GPR84: variants seen among roughly 807,000 people sequenced by gnomAD.
The protein encoded by GPR84 is G protein-coupled receptor 84, also known as G-protein coupled receptor 84.
Under a neutral mutation model 14.9 loss-of-function variants are expected in GPR84, and 8 were observed. The observed-to-expected ratio is 0.54, with a 90% CI of 0.31 to 0.97. The LOEUF (loss-of-function observed/expected upper bound fraction) is 0.97. Among genes scored for constraint, GPR84 ranks in the 50% least tolerant of loss-of-function variants. The probability of loss-of-function intolerance (pLI) is 0.04; values close to 1 mark genes in which losing one functional copy is unlikely to be tolerated. For synonymous variants in GPR84, 164 were observed against 198.1 expected (o/e 0.83, Z 1.45); for missense variants, 424 against 498.7 (o/e 0.85, Z 1.43).
intron 1 of GPR84, chr12:54,364,093 C>A (rs1376626453): frequency 9.1e-6 from 4 of 440,560 alleles, no homozygotes; most frequent in Non-Finnish European, 1.6e-5. Flanking sequence ...ATCTAAATAT[C>A]TCTTGCCTAA....
chr12:54,359,975 C>T (rs922632334), downstream of GPR84, among the ~76,000 whole-genome samples: 1 of 151,430 alleles, frequency 6.6e-6, no homozygotes, highest in African/African-American at 2.4e-5. Flanking sequence ...GAAGTCCTTT[C>T]TGAGGTCTAA....
the GPR84 span, among the ~76,000 whole-genome samples, chr12:54,355,609 C>T: frequency 3.9e-5 from 6 of 152,164 alleles, no homozygotes; most frequent in South Asian, 2.1e-4. Context: ...ACTGCCCACC[C>T]CCCATGCCTG....
the GPR84 span, among the ~76,000 whole-genome samples, chr12:54,352,000 T>C: frequency 6.6e-6 from 1 of 152,042 alleles, no homozygotes; most frequent in African/African-American, 2.4e-5. Context: ...TACGGGGCTG[T>C]TTGCCTCCTT....
At chr12:54,357,484 C>T (rs928703037), downstream of GPR84, among the ~76,000 whole-genome samples, 2 of 152,214 alleles carry the variant, frequency 1.3e-5, no homozygotes, top group East Asian at 3.8e-4. Flanking sequence ...CTGAGGGCTG[C>T]AGAAGGTATG....
downstream of GPR84, among the ~76,000 whole-genome samples, chr12:54,359,403 C>T (rs1338182976): frequency 3.3e-5 from 3 of 92,030 alleles, no homozygotes; most frequent in Admixed American, 1.5e-4. Flanking sequence ...AAGAACAGCC[C>T]GGGCGGGCGA....
At chr12:54,350,790 T>A in the GPR84 span, 1 of 538,310 alleles carries the variant, frequency 1.9e-6, no homozygotes. Flanking sequence ...TAGACTGGAT[T>A]ATGCTCACAT....
At chr12:54,354,063 C>A in the GPR84 span, among the ~76,000 whole-genome samples, 2 of 152,050 alleles carry the variant, frequency 1.3e-5, no homozygotes, top group East Asian at 3.8e-4. Flanking sequence ...ACTTTAAGTC[C>A]GCACCCTTCT....
chr12:54,361,009 A>G (rs1199929954), downstream of GPR84, among the ~76,000 whole-genome samples: 1 of 152,180 alleles, frequency 6.6e-6, no homozygotes, highest in Non-Finnish European at 1.5e-5. This position sits in a 1 kb window ranked among gnomAD's most constrained non-coding sequence, Gnocchi z 4.3. Flanking sequence ...GAAGCCAGAA[A>G]GGAAACGCAG....
the GPR84 span, chr12:54,353,921 G>C: frequency 6.6e-6 from 1 of 152,210 alleles, no homozygotes; most frequent in Admixed American, 6.5e-5. Context: ...GTCCAGAATT[G>C]TGGATGCCTG....
chr12:54,355,079 A>G, the GPR84 span, among the ~76,000 whole-genome samples: 17 of 152,168 alleles, frequency 1.1e-4, no homozygotes, highest in Non-Finnish European at 1.5e-4. Context: ...GAGGGAGACA[A>G]GAAGATGGAA....
chr12:54,355,327 A>AGT, the GPR84 span, among the ~76,000 whole-genome samples: 63,217 of 146,784 alleles, frequency 0.43, 13,407 homozygotes, highest in South Asian at 0.61. Flanking sequence ...TGTGTGTGTG[A>AGT]GTGTGTGTGT....
At chr12:54,355,540 T>C in the GPR84 span, among the ~76,000 whole-genome samples, 1 of 152,178 alleles carries the variant, frequency 6.6e-6, no homozygotes, top group South Asian at 2.1e-4. Context: ...GCTTTCTCAC[T>C]TGGAATGCAG....
chr12:54,360,699 A>G (rs891999536), downstream of GPR84, among the ~76,000 whole-genome samples: 1 of 152,164 alleles, frequency 6.6e-6, no homozygotes, highest in Middle Eastern at 3.4e-3. Flanking sequence ...TGCCCTTAAT[A>G]TCTTCAGATT....
rs745592286 is a variant in GPR84, at chr12:54,363,587, C to T, written c.265G>A (p.Gly89Ser). The change falls in exon 2 of 2, where the codon GGT (glycine) becomes AGT (serine). Residue 89 changes from glycine to serine, a missense_variant. Physicochemically the swap from Gly to Ser is moderately conservative, Grantham distance 56 (BLOSUM62 0). Transcript: ENST00000267015. ...CCAAATACCCTGCAGAAGGTGGCAC[C>T]GGTGCGCCAGTGCAGGTGGAGGTAG... ...DTYLHLHWRTGATFCRVFGLL... is the reference protein window; with the variant it reads ...DTYLHLHWRTSATFCRVFGLL... The T allele has an allele frequency of 1.5e-5, 24 of 1,613,720 alleles. No individual in the cohort carries two copies. The highest frequency in any genetic ancestry group is 1.3e-4 in the African/African-American group (10 of 74,892).
downstream of GPR84, among the ~76,000 whole-genome samples, chr12:54,359,407 C>T (rs1212252302): frequency 2.2e-4 from 13 of 58,744 alleles, no homozygotes; most frequent in Admixed American, 2.0e-3. Flanking sequence ...ACAGCCCGGG[C>T]GGGCGACTGG....
chr12:54,363,264 G>T lies in GPR84; in HGVS notation c.588C>A (p.Ile196=). Residue 196 remains isoleucine (I), a synonymous_variant, in exon 2 of 2, where the codon ATC becomes ATA. Coordinates refer to ENST00000267015, the MANE Select transcript of GPR84 (RefSeq NM_020370.3). ...CCTGGCGGTGGATGAGGCAATAGAA[G>T]ATGCCAACACTGCTGAGCCCAAGCA... ...YFVLGLSSVG[I]FYCLIHRQVK... is the part of the protein sequence containing the mutation. 6.2e-7 allele frequency: 1 copy of T among 1,614,110 alleles called. No individual in the cohort carries two copies. Among genetic ancestry groups the T allele is most frequent in the Non-Finnish European group, 8.5e-7 (1 of 1,179,978 alleles).
downstream of GPR84, among the ~76,000 whole-genome samples, chr12:54,359,592 A>C (rs897050544): frequency 6.6e-6 from 1 of 152,132 alleles, no homozygotes; most frequent in African/African-American, 2.4e-5. Context: ...TAGAGCTCGG[A>C]CTCGGGCGAG....
chr12:54,364,108 C>T (rs999816593), intron 1 of GPR84: 14 of 408,336 alleles, frequency 3.4e-5, no homozygotes, highest in Non-Finnish European at 4.0e-5. Context: ...GCCTAAATAT[C>T]TTAGTCTTAT....
the GPR84 span, among the ~76,000 whole-genome samples, chr12:54,354,346 G>A: frequency 4.0e-5 from 6 of 151,666 alleles, no homozygotes; most frequent in East Asian, 1.2e-3. Context: ...TGAACTCCTG[G>A]GCTCAAGTGA....
Sources: allele counts gnomAD v4.1 joint callset (sites outside exome capture counted in the v4.1 genomes callset), GRCh38; gene constraint gnomAD v4.1.1; non-coding constraint Gnocchi (gnomAD v3.1); transcripts MANE v1.5; gene names NCBI Gene and HGNC (gene_info 2026-07-23, HGNC 2026-07-21).